ACBD5: variants seen among roughly 807,000 people sequenced by gnomAD.
ACBD5 encodes the protein acyl-CoA binding domain containing 5, also known as acyl-CoA-binding domain-containing protein 5.
In ACBD5, 40 loss-of-function variants were observed where a neutral mutation model predicts 71.8. That is an observed-to-expected ratio of 0.56 (90% confidence interval 0.43 to 0.72). The LOEUF (loss-of-function observed/expected upper bound fraction) is 0.72. Among genes scored for constraint, ACBD5 ranks in the 30% least tolerant of loss-of-function variants. The pLI, the probability that ACBD5 is intolerant of heterozygous loss-of-function variation, is 0.00. For synonymous variants in ACBD5, 229 were observed against 218.6 expected, an observed-to-expected ratio of 1.05 and a Z score of -0.42; for missense variants, 559 against 644.5, an observed-to-expected ratio of 0.87 and a Z score of 1.44.
In ACBD5 at chr10:27,228,816, T is replaced by TATATATATATATATATATATA. The variant is rs71386926; in HGVS notation, c.375+2931_375+2932insTATATATATATATATATATAT. ...TTATATATATATATATATATATATA[T>TATATATATATATATATATATA]TTTTTTTTTTTTTTTTTTTTTTGAG... On this transcript the variant is annotated intron_variant, in intron 4 of 12. Transcript: ENST00000396271. 3.7e-4 allele frequency among the ~76,000 whole-genome samples: 7 copies of TATATATATATATATATATATA among 18,754 alleles called. 1 individual carries two copies. Among genetic ancestry groups the TATATATATATATATATATATA allele is most frequent in the Non-Finnish European group, 6.9e-4 (5 of 7,270 alleles). 12.3% of individuals were successfully genotyped at this position (18,754 alleles called of 152,430 possible).
downstream of ACBD5, among the ~76,000 whole-genome samples, chr10:27,194,246 C>T (rs528436195): frequency 4.1e-5 from 5 of 121,798 alleles, no homozygotes; most frequent in South Asian, 3.0e-4. Context: ...AGCGAAACTC[C>T]GTCTCAATTA....
downstream of ACBD5, among the ~76,000 whole-genome samples, chr10:27,191,444 A>G (rs2059072639): frequency 6.6e-6 from 1 of 152,112 alleles, no homozygotes; most frequent in Non-Finnish European, 1.5e-5. Flanking sequence ...TGATATGTCC[A>G]TGTTGGTTCA....
At chr10:27,189,587 A>ACG in intron 13 of ACBD5, among the ~76,000 whole-genome samples, 1 of 130,372 alleles carries the variant, frequency 7.7e-6, no homozygotes, top group Non-Finnish European at 1.6e-5. Flanking sequence ...ACACATGGAC[A>ACG]TAGGAAGGGG....
intron 2 of ACBD5, among the ~76,000 whole-genome samples, chr10:27,237,078 GA>G: frequency 6.6e-6 from 1 of 151,928 alleles, no homozygotes; most frequent in South Asian, 2.1e-4. Context: ...AAAGCAGAGG[GA>G]AAAAAATGGA....
intron 4 of ACBD5, among the ~76,000 whole-genome samples, 173 bp from the exon 5 acceptor site, chr10:27,223,625 G>A (rs1447820006): frequency 2.6e-5 from 4 of 152,098 alleles, no homozygotes; most frequent in South Asian, 2.1e-4. Flanking sequence ...CACTGTGGCC[G>A]GGCTAAGTGG....
chr10:27,231,354 T>C (rs1424896480), intron 4 of ACBD5, among the ~76,000 whole-genome samples: 1 of 152,108 alleles, frequency 6.6e-6, no homozygotes, highest in Non-Finnish European at 1.5e-5. Flanking sequence ...ACATCTCTGC[T>C]AAAAATACAA....
intron 4 of ACBD5, among the ~76,000 whole-genome samples, chr10:27,225,417 T>C (rs1198944198): frequency 6.6e-6 from 1 of 152,198 alleles, no homozygotes; most frequent in African/African-American, 2.4e-5. Flanking sequence ...CACTGTGTTA[T>C]ATGTGTAGGA....
At chr10:27,240,959 G>T, upstream of ACBD5, 1 of 591,888 alleles carries the variant, frequency 1.7e-6, no homozygotes, top group South Asian at 2.0e-5. The surrounding 1 kb of genome is among the most constrained non-coding windows in gnomAD (Gnocchi z 4.1). Context: ...TCCGGGAAGC[G>T]GGGAAAGGGG....
rs181905165 is a variant in ACBD5, at chr10:27,185,911, G to A, written c.1494-3196C>T. 4.8e-3 allele frequency among the ~76,000 whole-genome samples: 726 copies of A among 151,844 alleles called. 4 individuals are homozygous for A. The highest frequency in any genetic ancestry group is 0.016 in the African/African-American group (682 of 41,402). ...TCGAGACCAACCTGCCCAACATGGC[G>A]AAACCCCGTCTCTACTAAAAATACA... is the stretch of plus-strand genomic sequence containing the variant. On this transcript the variant is annotated intron_variant, in intron 13 of 13. Transcript: ENST00000676511.
chr10:27,225,569 C>G (rs183843512), intron 4 of ACBD5, among the ~76,000 whole-genome samples: 14 of 152,252 alleles, frequency 9.2e-5, no homozygotes, highest in African/African-American at 2.9e-4. Context: ...GCTTTAATCA[C>G]AAAATTTCTT....
chr10:27,218,888 A>G (rs2061982373), intron 6 of ACBD5, among the ~76,000 whole-genome samples: 1 of 151,956 alleles, frequency 6.6e-6, no homozygotes, highest in South Asian at 2.1e-4. Flanking sequence ...GCCCGGCCGC[A>G]GTTTGTTTTA....
At position 27,240,287 on chromosome 10, in the gene ACBD5, A is replaced by G; in HGVS notation, c.181+32T>C. Reference sequence around the variant, plus strand: ...AGGGGGCTTTGGGGCTCTCTGCAGGAGGCGTCTACAGCCGGGGCCCAGCGC... The same window carrying G: ...AGGGGGCTTTGGGGCTCTCTGCAGGGGGCGTCTACAGCCGGGGCCCAGCGC... On this transcript the variant is annotated intron_variant, in intron 2 of 12. Transcript: ENST00000396271. The surrounding 1 kb of genome is among the most constrained non-coding windows in gnomAD (Gnocchi z 4.1). The G allele has an allele frequency of 6.2e-7, 1 of 1,614,042 alleles. No individual in the cohort carries two copies. Among genetic ancestry groups the G allele is most frequent in the South Asian group, 1.1e-5 (1 of 91,074 alleles).
chr10:27,202,689 C>T (rs2060044580), intron 12 of ACBD5, among the ~76,000 whole-genome samples: 1 of 151,846 alleles, frequency 6.6e-6, no homozygotes, highest in South Asian at 2.1e-4. Flanking sequence ...AAGCAAATTC[C>T]TCTACTCTCC....
At position 27,222,202 on chromosome 10, in the gene ACBD5, A is replaced by G. The variant is rs112127014; in HGVS notation, c.490+1136T>C. Among the ~76,000 whole-genome samples the G allele has an allele frequency of 2.6e-3, 399 of 152,188 alleles. 1 individual carries two copies. Among genetic ancestry groups the G allele is most frequent in the Non-Finnish European group, 4.2e-3 (286 of 68,002 alleles). ...GTCTTATAAATAGGGATGTCAAGGG[A>G]AAAAAAGGGGATGCCAGGCGATTTT... On this transcript the variant is annotated intron_variant, in intron 5 of 12. Coordinates refer to ENST00000396271, the MANE Select transcript of ACBD5 (RefSeq NM_145698.5).
rs1482411879 is a variant in ACBD5 at position 27,196,233 on chromosome 10, C to G, written c.*1197G>C. On this transcript the variant is annotated 3_prime_UTR_variant, in exon 13 of 13. Transcript: ENST00000396271. ...AAATTATTTGTTACAAAGACTGCAT[C>G]AAAGAAATCTTCAAAGCACAAGGTA... 1 of 453,978 alleles carries G rather than the reference C, an allele frequency of 2.2e-6. No individual in the cohort carries two copies. Among genetic ancestry groups the G allele is most frequent in the African/African-American group, 2.0e-5 (1 of 50,082 alleles). 28.1% of individuals were successfully genotyped at this position (453,978 alleles called of 1,614,324 possible). A position where few individuals can be genotyped will look rare whatever the true frequency, so the allele number is the denominator to read the frequency against.
At chr10:27,189,611 G>A (rs370985244) in intron 13 of ACBD5, among the ~76,000 whole-genome samples, 70,861 of 125,852 alleles carry the variant, frequency 0.56, 20,468 homozygotes, top group Non-Finnish European at 0.62. Context: ...ATCACACACT[G>A]GGGCCTGTTG....
At chr10:27,217,893 A>C in intron 7 of ACBD5, 87 bp downstream of exon 7, 1 of 1,212,250 alleles carries the variant, frequency 8.2e-7, no homozygotes, top group South Asian at 1.3e-5. Context: ...AGAGATTTTT[A>C]AATTAAACTG....
chr10:27,239,066 G>A (rs11015623), intron 2 of ACBD5, among the ~76,000 whole-genome samples: 2,486 of 152,238 alleles, frequency 0.016, 66 homozygotes, highest in African/African-American at 0.056. Context: ...GCATGGTGAC[G>A]CACGGGTGTA....
intron 13 of ACBD5, chr10:27,186,496 A>G (rs1315699298): frequency 6.2e-7 from 1 of 1,614,162 alleles, no homozygotes; most frequent in East Asian, 2.2e-5. Flanking sequence ...GAAGCCAGGA[A>G]TACTGCTCAG....
Sources: allele counts gnomAD v4.1 joint callset (sites outside exome capture counted in the v4.1 genomes callset), GRCh38; gene constraint gnomAD v4.1.1; non-coding constraint Gnocchi (gnomAD v3.1); transcripts MANE v1.5; gene names NCBI Gene and HGNC (gene_info 2026-07-23, HGNC 2026-07-21).